Variants in ZNF69 observed in about 807,000 individuals in gnomAD.
ZNF69 encodes ZNF3.
ZNF69 carries 47 observed loss-of-function variants against 50.9 expected under a neutral mutation model. The observed-to-expected ratio is 0.92, with a 90% CI of 0.73 to 1.18. ZNF69 has a LOEUF of 1.18. ZNF69 is among the 50% of genes most tolerant of loss of function. ZNF69 has a pLI of 0.00. For synonymous variants in ZNF69, 216 were observed against 223.1 expected (o/e 0.97, Z 0.29); for missense variants, 717 against 675.1 (o/e 1.06, Z -0.69).
intron 1 of ZNF69, among the ~76,000 whole-genome samples, chr19:11,902,186 T>C: frequency 6.6e-6 from 1 of 152,056 alleles, no homozygotes; most frequent in Non-Finnish European, 1.5e-5. Flanking sequence ...TTCTCCATGC[T>C]GGTCAGGCTG....
rs185877138 is a variant in ZNF69, at chr19:11,905,195, C to G, written c.798C>G (p.His266Gln). The change falls in exon 4 of 4, where the codon CAC (histidine) becomes CAG (glutamine). Residue 266 changes from histidine to glutamine, a missense_variant. Transcript: ENST00000429654. ...SFSYSATLRI[H>Q]ERTHTGEKPY... is the part of the protein sequence containing the mutation. ...GTTATTCTGCTACCCTTCGAATACA[C>G]GAAAGAACTCACACTGGAGAAAAGC... The G allele has an allele frequency of 1.2e-6, 2 of 1,613,960 alleles. No homozygotes were observed. The highest frequency in any genetic ancestry group is 2.2e-5 in the South Asian group (2 of 91,072).
chr19:11,978,270 A>G, the ZNF69 span: 5 of 1,614,134 alleles, frequency 3.1e-6, no homozygotes, highest in Admixed American at 3.3e-5. Context: ...AGAAGTTGGC[A>G]TAGGTAACTC....
downstream of ZNF69, among the ~76,000 whole-genome samples, chr19:11,917,640 T>A (rs1456173595): frequency 2.6e-5 from 4 of 151,984 alleles, no homozygotes; most frequent in Admixed American, 6.6e-5. Flanking sequence ...TATTTATTTG[T>A]TTGTTTGTCT....
chr19:11,889,685 G>A (rs867533503), intron 1 of ZNF69, among the ~76,000 whole-genome samples: 1 of 152,218 alleles, frequency 6.6e-6, no homozygotes, highest in Non-Finnish European at 1.5e-5. Context: ...ACTGAGTAAA[G>A]AAATAAGACA....
intron 1 of ZNF69, among the ~76,000 whole-genome samples, chr19:11,888,770 C>A (rs1413962331): frequency 6.6e-6 from 1 of 152,040 alleles, no homozygotes; most frequent in Admixed American, 6.5e-5. Flanking sequence ...GAGTTCAAGA[C>A]CAGCCTGGCC....
At position 11,906,001 on chromosome 19, in the gene ZNF69, A is replaced by C; in HGVS notation, c.1604A>C (p.Lys535Thr). Reference protein sequence around the residue: ...ERTHTGEKPYKCKQCGKAFRA... With the variant: ...ERTHTGEKPYTCKQCGKAFRA... ...ACTCACACTGGAGAGAAACCCTATAAATGCAAGCAATGTGGGAAAGCCTTC... is the reference window on the plus strand; with the variant it reads ...ACTCACACTGGAGAGAAACCCTATACATGCAAGCAATGTGGGAAAGCCTTC... The change falls in exon 4 of 4, where the codon AAA (lysine) becomes ACA (threonine). Residue 535 changes from lysine (K) to threonine (T), a missense_variant. Coordinates refer to ENST00000429654, the MANE Select transcript of ZNF69 (RefSeq NM_001364730.1). The C allele has an allele frequency of 6.2e-7, 1 of 1,613,980 alleles. No homozygotes were observed. The highest frequency in any genetic ancestry group is 1.1e-5 in the South Asian group (1 of 91,062).
chr19:11,959,728 T>C, the ZNF69 span, among the ~76,000 whole-genome samples: 3 of 152,332 alleles, frequency 2.0e-5, no homozygotes, highest in South Asian at 4.1e-4. Context: ...TAATTGGAAA[T>C]AATTGCTGGC....
chr19:11,919,122 C>T (rs545496224), downstream of ZNF69, among the ~76,000 whole-genome samples: 4 of 152,268 alleles, frequency 2.6e-5, no homozygotes, highest in South Asian at 2.1e-4. Context: ...GTCTCAATCT[C>T]CTGCCCTCGT....
the ZNF69 span, chr19:11,948,471 T>C: frequency 1.9e-6 from 3 of 1,614,080 alleles, no homozygotes; most frequent in East Asian, 6.7e-5. Flanking sequence ...GAGGTGACAC[T>C]GGACACAAGG....
chr19:11,948,514 T>A, the ZNF69 span: 1 of 1,612,636 alleles, frequency 6.2e-7, no homozygotes, highest in South Asian at 1.1e-5. Context: ...ACCAAAGCCA[T>A]ATAAGTGTCA....
At chr19:11,980,125 G>C in the ZNF69 span, 1 of 839,228 alleles carries the variant, frequency 1.2e-6, no homozygotes, top group Non-Finnish European at 1.9e-6. Context: ...AACATGGTAG[G>C]ACTCACACTG....
intron 2 of ZNF69, 43 bp from the exon 3 acceptor site, chr19:11,903,862 T>C: frequency 6.2e-7 from 1 of 1,607,736 alleles, no homozygotes; most frequent in East Asian, 2.2e-5. Context: ...TTTTTCACAA[T>C]TTTATACTGC....
Position 11,905,621 on chromosome 19 carries a change from G to T in ZNF69, c.1224G>T (p.Arg408Ser). 1 of 1,613,750 alleles carries T rather than the reference G, an allele frequency of 6.2e-7. No homozygotes were observed. Among genetic ancestry groups the T allele is most frequent in the Non-Finnish European group, 8.5e-7 (1 of 1,179,938 alleles). ...IHSSSLRYHERIHTGEKPYEC... is the reference protein window; with the variant it reads ...IHSSSLRYHESIHTGEKPYEC... Reference sequence around the variant, plus strand: ...CCAGTTCCCTTCGTTATCATGAAAGGATTCACACTGGAGAGAAACCCTATG... The same window carrying T: ...CCAGTTCCCTTCGTTATCATGAAAGTATTCACACTGGAGAGAAACCCTATG... Residue 408 changes from arginine to serine, a missense_variant, in exon 4 of 4, where the codon AGG becomes AGT. By Grantham distance (110) the Arg-to-Ser change is moderately radical. Coordinates refer to ENST00000429654, the MANE Select transcript of ZNF69 (RefSeq NM_001364730.1).
downstream of ZNF69, among the ~76,000 whole-genome samples, chr19:11,916,171 G>C (rs1268775376): frequency 6.6e-6 from 1 of 152,216 alleles, no homozygotes; most frequent in Non-Finnish European, 1.5e-5. Flanking sequence ...TCTAGACCTT[G>C]AAGCCAGCTT....
chr19:11,902,945 C>A (rs1972277424), intron 1 of ZNF69, among the ~76,000 whole-genome samples: 2 of 152,160 alleles, frequency 1.3e-5, no homozygotes, highest in South Asian at 4.1e-4. Flanking sequence ...CCTGCTGTGG[C>A]TTTAGCCCTT....
the ZNF69 span, among the ~76,000 whole-genome samples, chr19:11,951,640 A>G: frequency 6.6e-6 from 1 of 152,206 alleles, no homozygotes; most frequent in African/African-American, 2.4e-5. Context: ...AGGGTGTAAT[A>G]TACTGTAGTG....
chr19:11,912,359 A>G (rs1019872872), intron 4 of ZNF69, among the ~76,000 whole-genome samples: 1 of 152,202 alleles, frequency 6.6e-6, no homozygotes, highest in African/African-American at 2.4e-5. Context: ...ATGGAGAGAA[A>G]CCCTATGAAT....
intron 1 of ZNF69, 56 bp from the exon 2 acceptor site, chr19:11,903,517 G>T: frequency 1.2e-6 from 2 of 1,607,330 alleles, no homozygotes; most frequent in Non-Finnish European, 1.7e-6. Flanking sequence ...ATAGAGTCTA[G>T]GCCCCCAGTG....
At chr19:11,973,660 T>C in the ZNF69 span, among the ~76,000 whole-genome samples, 1 of 152,198 alleles carries the variant, frequency 6.6e-6, no homozygotes, top group Non-Finnish European at 1.5e-5. Flanking sequence ...AGTGAGAAGA[T>C]TGCTTGAGGC....
Sources: allele counts gnomAD v4.1 joint callset (sites outside exome capture counted in the v4.1 genomes callset), GRCh38; gene constraint gnomAD v4.1.1; transcripts MANE v1.5; gene names NCBI Gene and HGNC (gene_info 2026-07-23, HGNC 2026-07-21).